The following SRGAP2 variants were observed in gnomAD, a reference collection of about 807,000 sequenced individuals.
SRGAP2 encodes SLIT-ROBO Rho GTPase activating protein 2.
Under a neutral mutation model 57.2 loss-of-function variants are expected in SRGAP2, and 15 were observed. The ratio of observed to expected loss-of-function variants is 0.26; its 90% CI spans 0.18 to 0.40. The LOEUF is 0.40. SRGAP2 is among the 10% of genes least tolerant of loss of function. The pLI is 1.00. For synonymous variants in SRGAP2, 249 were observed against 248.0 expected, an observed-to-expected ratio of 1.00 and a Z score of -0.04; for missense variants, 520 against 669.6, an observed-to-expected ratio of 0.78 and a Z score of 2.47.
chr1:206,380,327 GCAGT>G (rs1655580742), intron 4 of SRGAP2, among the ~76,000 whole-genome samples: 1 of 148,284 alleles, frequency 6.7e-6, no homozygotes, highest in Non-Finnish European at 1.5e-5. Context: ...CCACTCGGCA[GCAGT>G]CAGAGTGGAG....
chr1:206,357,709 G>A (rs201023572), intron 4 of SRGAP2, among the ~76,000 whole-genome samples: 3 of 149,204 alleles, frequency 2.0e-5, no homozygotes, highest in Non-Finnish European at 4.4e-5. Flanking sequence ...TCAGCCTCCC[G>A]AGTAGCCGGG....
At chr1:206,354,496 G>A (rs1676283857) in intron 4 of SRGAP2, among the ~76,000 whole-genome samples, 1 of 152,190 alleles carries the variant, frequency 6.6e-6, no homozygotes, top group African/African-American at 2.4e-5. Flanking sequence ...ACAGTGGGCA[G>A]CACCTAAGAC....
At chr1:206,398,890 A>G (rs1657874869) in intron 7 of SRGAP2, among the ~76,000 whole-genome samples, 1 of 152,304 alleles carries the variant, frequency 6.6e-6, no homozygotes, top group African/African-American at 2.4e-5. Flanking sequence ...TCCAATTCCA[A>G]CAGGTGAGAG....
chr1:206,292,154 A>G (rs1383209027), intron 2 of SRGAP2, among the ~76,000 whole-genome samples: 2 of 152,204 alleles, frequency 1.3e-5, no homozygotes, highest in Non-Finnish European at 2.9e-5. Context: ...ATCTTCACAT[A>G]ACTATGTGAA....
At chr1:206,333,896 CTACTAACCTGGAAATTG>C (rs1553332851) in intron 3 of SRGAP2, among the ~76,000 whole-genome samples, 3 of 152,172 alleles carry the variant, frequency 2.0e-5, no homozygotes, top group Non-Finnish European at 4.4e-5. Context: ...CTAATTTGAT[CTACTAACCTGGAAATTG>C]ACTAGGGCTT....
intron 2 of SRGAP2, among the ~76,000 whole-genome samples, chr1:206,238,967 G>A (rs1263384633): frequency 6.6e-6 from 1 of 151,594 alleles, no homozygotes; most frequent in African/African-American, 2.4e-5. Flanking sequence ...TTGGAAGCTG[G>A]GCAGAGGGTG....
intron 3 of SRGAP2, among the ~76,000 whole-genome samples, chr1:206,306,342 C>T (rs1195279165): frequency 2.6e-5 from 4 of 151,938 alleles, no homozygotes; most frequent in Non-Finnish European, 5.9e-5. Context: ...CAGACCTTCA[C>T]GGTGAGTGTT....
At chr1:206,203,782 C>T (rs1470660112) in intron 1 of SRGAP2, 132 bp downstream of exon 1, 13 of 1,520,104 alleles carry the variant, frequency 8.6e-6, no homozygotes, top group Non-Finnish European at 1.2e-5. Flanking sequence ...CGGTGCCGCC[C>T]GGAATCCCTC....
At chr1:206,241,160 G>A (rs1211393697) in intron 2 of SRGAP2, among the ~76,000 whole-genome samples, 1 of 152,104 alleles carries the variant, frequency 6.6e-6, no homozygotes, top group Admixed American at 6.5e-5. Flanking sequence ...CTCTGGCCTG[G>A]GTGAAAGAGC....
At chr1:206,370,255 G>C (rs1654408110) in intron 4 of SRGAP2, among the ~76,000 whole-genome samples, 1 of 151,128 alleles carries the variant, frequency 6.6e-6, no homozygotes, top group Non-Finnish European at 1.5e-5. Context: ...GACAGAGCGA[G>C]ACTCCATCTC....
chr1:206,453,723 C>T lies in SRGAP2; in HGVS notation c.2360+343C>T, dbSNP rs1267004606. The T allele has an allele frequency of 7.6e-5, 19 of 250,868 alleles. No homozygotes were observed. The East Asian group carries it at 1.2e-3, about 16-fold the overall frequency. 15.5% of individuals were successfully genotyped at this position (250,868 alleles called of 1,614,324 possible). ...ATTTGACCACCTATATTTCTTTTCT[C>T]GAAAGATCAGGCTGGGAAAACATTT... On this transcript the variant is annotated intron_variant, in intron 20 of 22. Transcript: ENST00000573034.
Position 206,446,208 on chromosome 1 carries a change from A to G in SRGAP2, c.2008A>G (p.Thr670Ala), listed in dbSNP as rs1222539735. Residue 670 changes from threonine to alanine, a missense_variant, in exon 18 of 23, where the codon ACC becomes GCC. Coordinates refer to ENST00000573034, the MANE Select transcript of SRGAP2 (RefSeq NM_015326.5). ...AGCCCACGTGAATGAGCTGATCAAA[A>G]CCATCATCATCCAGCATGAGAACAT... Reference protein sequence around the residue: ...CQAHVNELIKTIIIQHENIFP... With the variant: ...CQAHVNELIKAIIIQHENIFP... 1 of 780,810 alleles carries G rather than the reference A, an allele frequency of 1.3e-6. No individual in the cohort carries two copies. Among genetic ancestry groups the G allele is most frequent in the Non-Finnish European group, 2.4e-6 (1 of 418,010 alleles). The allele number at this position is 780,810 out of a possible 1,614,324, so 48.4% of individuals were successfully genotyped here. A position where few individuals can be genotyped will look rare whatever the true frequency, so the allele number is the denominator to read the frequency against.
chr1:206,304,338 G>A (rs1672062556), intron 3 of SRGAP2, among the ~76,000 whole-genome samples: 1 of 138,974 alleles, frequency 7.2e-6, no homozygotes, highest in Non-Finnish European at 1.5e-5. Flanking sequence ...TGGGTAACAG[G>A]GTGGTGTAAA....
chr1:206,311,314 C>T (rs1291334687), intron 3 of SRGAP2, among the ~76,000 whole-genome samples: 1 of 152,106 alleles, frequency 6.6e-6, no homozygotes, highest in Non-Finnish European at 1.5e-5. Context: ...AGACCATGGC[C>T]ACCCATCCAT....
chr1:206,414,344 C>G (rs1330465449), intron 10 of SRGAP2, among the ~76,000 whole-genome samples: 3 of 152,072 alleles, frequency 2.0e-5, no homozygotes, highest in Non-Finnish European at 4.4e-5. Context: ...GCTCTGTTCA[C>G]CTTCTCTTTC....
chr1:206,456,804 C>G (rs896473258), intron 21 of SRGAP2, among the ~76,000 whole-genome samples: 30 of 152,240 alleles, frequency 2.0e-4, no homozygotes, highest in Middle Eastern at 6.8e-3. Context: ...TCCTGCCCCC[C>G]ACGCCACTCC....
chr1:206,372,964 C>CTTTTCTTT (rs1553342935), intron 4 of SRGAP2, among the ~76,000 whole-genome samples: 2 of 23,358 alleles, frequency 8.6e-5, no homozygotes, highest in African/African-American at 4.1e-4. Context: ...TCTTTTCTTT[C>CTTTTCTTT]CTTTCTTTCT....
intron 5 of SRGAP2, among the ~76,000 whole-genome samples, chr1:206,391,614 T>C (rs1369689694): frequency 1.7e-4 from 16 of 95,116 alleles, no homozygotes; most frequent in African/African-American, 5.3e-4. Context: ...CACACACACA[T>C]GCACACACAC....
At chr1:206,333,472 A>C in intron 3 of SRGAP2, 1 of 1,488,300 alleles carries the variant, frequency 6.7e-7, no homozygotes, top group Non-Finnish European at 9.3e-7. Context: ...CGGCGGGGCG[A>C]GGCGAAGGTC....
Sources: gnomAD v4.1 joint callset for allele counts (sites outside exome capture counted in the v4.1 genomes callset) on GRCh38, gnomAD v4.1.1 for gene constraint, MANE v1.5 for transcripts, NCBI Gene and HGNC (gene_info 2026-07-23, HGNC 2026-07-21) for gene names.